The following PCDHGB5 variants were observed in gnomAD, a reference collection of about 807,000 sequenced individuals.
PCDHGB5 encodes protocadherin gamma-B5.
In PCDHGB5, 48 loss-of-function variants were observed where a neutral mutation model predicts 62.9. The ratio of observed to expected loss-of-function variants is 0.76; its 90% confidence interval spans 0.61 to 0.97. The LOEUF is 0.97. PCDHGB5 is among the 50% of genes least tolerant of loss of function. PCDHGB5 has a pLI of 0.00. For missense variants in PCDHGB5, 1,118 were observed against 1,198.6 expected (o/e 0.93, Z 0.99); for synonymous variants, 474 against 511.2 (o/e 0.93, Z 0.98).
intron 1 of PCDHGB5, chr5:141,433,104 A>G: frequency 6.2e-7 from 1 of 1,614,214 alleles, no homozygotes; most frequent in Non-Finnish European, 8.5e-7. Flanking sequence ...CTCGTCAGCC[A>G]GGAGAGCTTT....
chr5:141,431,424 G>T lies in PCDHGB5; in HGVS notation c.2397+30900G>T, dbSNP rs747132868. 6.8e-6 allele frequency: 11 copies of T among 1,613,676 alleles called. No homozygotes were observed. The highest frequency in any genetic ancestry group is 5.9e-6 in the Non-Finnish European group (7 of 1,180,028). On this transcript the variant is annotated intron_variant, in intron 1 of 3. Coordinates refer to ENST00000617380, the MANE Select transcript of PCDHGB5 (RefSeq NM_018925.3). The surrounding 1 kb of genome is among the most constrained non-coding windows in gnomAD (Gnocchi z 4.8). ...GCCTCCGACGGGGGCGACCCGGTGC[G>T]CACAGGCACCGCGCGCATCCGCGTG...
At chr5:141,445,782 G>A (rs530081823) in intron 1 of PCDHGB5, among the ~76,000 whole-genome samples, 1 of 152,310 alleles carries the variant, frequency 6.6e-6, no homozygotes, top group East Asian at 1.9e-4. Flanking sequence ...AAGGGCTAGG[G>A]AGGCTAGAAA....
chr5:141,411,193 AAAAC>A (rs1267742802), intron 1 of PCDHGB5: 2 of 152,212 alleles, frequency 1.3e-5, no homozygotes, highest in African/African-American at 4.8e-5. Flanking sequence ...GGCATCTAAG[AAAAC>A]AAACAAGTAA....
Position 141,419,025 on chromosome 5 carries a change from G to T in PCDHGB5, c.2397+18501G>T, listed in dbSNP as rs2096315076. 6.2e-6 allele frequency: 10 copies of T among 1,613,736 alleles called. No homozygotes were observed. In the East Asian group the frequency reaches 2.0e-4, roughly 32 times the overall value. On this transcript the variant is annotated intron_variant, in intron 1 of 3. Transcript: ENST00000617380. ...GAAGTCAGGTGTAGCTTAAGTAGAG[G>T]TGTTCCATTTAAGATTCATTCTTCT...
chr5:141,489,220 C>G lies in PCDHGB5; in HGVS notation c.2398-5587C>G. The G allele has an allele frequency of 6.6e-7, 1 of 1,508,698 alleles. No individual in the cohort carries two copies. Among genetic ancestry groups the G allele is most frequent in the South Asian group, 1.3e-5 (1 of 75,604 alleles). The allele number at this position is 1,508,698 out of a possible 1,614,324, so 93.5% of individuals were successfully genotyped here. A position where few individuals can be genotyped will look rare whatever the true frequency, so the allele number is the denominator to read the frequency against. ...AGACAGGACAGCACAGACTTACTCT[C>G]CACAAAGGGACTTCTGGGTCATGGG... On this transcript the variant is annotated intron_variant, in intron 1 of 3. Transcript: ENST00000617380. The surrounding 1 kb of genome is among the most constrained non-coding windows in gnomAD (Gnocchi z 4.5).
intron 1 of PCDHGB5, among the ~76,000 whole-genome samples, chr5:141,453,779 C>T (rs138335951): frequency 0.013 from 2,000 of 152,278 alleles, 24 homozygotes; most frequent in Non-Finnish European, 0.021. Flanking sequence ...ATTTTAGTTA[C>T]CATGGTATAT....
At chr5:141,478,011 G>T (rs1216659966) in intron 1 of PCDHGB5, 1 of 1,614,088 alleles carries the variant, frequency 6.2e-7, no homozygotes, top group Non-Finnish European at 8.5e-7. Flanking sequence ...AGTACTGCCC[G>T]TCCAGTCCAA....
intron 1 of PCDHGB5, chr5:141,414,139 G>T: frequency 6.3e-7 from 1 of 1,596,506 alleles, no homozygotes; most frequent in Non-Finnish European, 8.5e-7. Flanking sequence ...CTATGAAATA[G>T]AAATACAAGC....
At chr5:141,469,782 G>A (rs760985231) in intron 1 of PCDHGB5, among the ~76,000 whole-genome samples, 8 of 152,204 alleles carry the variant, frequency 5.3e-5, no homozygotes, top group African/African-American at 1.7e-4. Context: ...TTATTACAGC[G>A]TTATTTGTAA....
At chr5:141,475,815 C>T (rs2099373124) in intron 1 of PCDHGB5, 1 of 340,648 alleles carries the variant, frequency 2.9e-6, no homozygotes, top group Non-Finnish European at 5.3e-6. Flanking sequence ...AAGTGAAGTT[C>T]CTGGCGCTAG....
chr5:141,489,467 C>G lies in PCDHGB5; in HGVS notation c.2398-5340C>G. 1 of 1,614,076 alleles carries G rather than the reference C, an allele frequency of 6.2e-7. No individual in the cohort carries two copies. The highest frequency in any genetic ancestry group is 8.5e-7 in the Non-Finnish European group (1 of 1,180,026). Reference sequence around the variant, plus strand: ...TCTGAGGAGAATGGGCGCTATTTTTCCCTGAGCTTGATGAGTGGTGCCCTG... The same window carrying G: ...TCTGAGGAGAATGGGCGCTATTTTTGCCTGAGCTTGATGAGTGGTGCCCTG... On this transcript the variant is annotated intron_variant, in intron 1 of 3. Transcript: ENST00000617380. The surrounding 1 kb of genome is among the most constrained non-coding windows in gnomAD (Gnocchi z 4.5).
chr5:141,460,795 G>GTA (rs2154567069), intron 1 of PCDHGB5, among the ~76,000 whole-genome samples: 1 of 151,608 alleles, frequency 6.6e-6, no homozygotes, highest in East Asian at 1.9e-4. Flanking sequence ...TACACACAAA[G>GTA]TATATATATG....
chr5:141,398,752 C>G lies in PCDHGB5; in HGVS notation c.625C>G (p.Arg209Gly), dbSNP rs1196162576. The change falls in exon 1 of 4, where the codon CGT becomes GGT. Residue 209 changes from arginine to glycine, a missense_variant. Coordinates refer to ENST00000617380, the MANE Select transcript of PCDHGB5 (RefSeq NM_018925.3). ...AGACCGGGAACAACAGAGTTACCAT[C>G]GTTTAGTCCTGACTGCCTTGGACGG... is the stretch of plus-strand genomic sequence containing the variant. The part of the protein sequence containing the change: ...TLDREQQSYH[R>G]LVLTALDGGH... The G allele has an allele frequency of 7.4e-6, 12 of 1,613,482 alleles. No homozygotes were observed. In the South Asian group the frequency reaches 1.2e-4, roughly 16 times the overall value.
At chr5:141,449,538 G>A (rs1445815017) in intron 1 of PCDHGB5, among the ~76,000 whole-genome samples, 15 of 145,960 alleles carry the variant, frequency 1.0e-4, no homozygotes, top group East Asian at 4.0e-4. Flanking sequence ...GCAGTGAGCC[G>A]AGATCGCACC....
chr5:141,475,162 G>T (rs949339969), intron 1 of PCDHGB5, among the ~76,000 whole-genome samples: 2 of 152,034 alleles, frequency 1.3e-5, no homozygotes, highest in South Asian at 4.1e-4. Flanking sequence ...TTCTTCATTA[G>T]CAGTGCAACT....
chr5:141,399,646 AGT>A lies in PCDHGB5; in HGVS notation c.1521_1522del (p.Ser507ArgfsTer10). ...LASYVSMSAQ[S>X]GVVFAQRAFD... ...CTCTTACGTGTCCATGAGCGCGCAAAGTGGGGTGGTGTTCGCGCAGCGCGCCT... is the reference window on the plus strand; with the variant it reads ...CTCTTACGTGTCCATGAGCGCGCAAAGGGGTGGTGTTCGCGCAGCGCGCCT... On this transcript the variant is annotated frameshift_variant, in exon 1 of 4. Coordinates refer to ENST00000617380, the MANE Select transcript of PCDHGB5 (RefSeq NM_018925.3). LOFTEE classifies it high-confidence loss of function. 6.2e-7 allele frequency: 1 copy of A among 1,613,790 alleles called. No homozygotes were observed. The highest frequency in any genetic ancestry group is 1.3e-5 in the African/African-American group (1 of 75,072).
At chr5:141,419,686 G>A (rs551990092) in intron 1 of PCDHGB5, 2 of 1,612,760 alleles carry the variant, frequency 1.2e-6, no homozygotes, top group Non-Finnish European at 1.7e-6. Flanking sequence ...ACCACGTGGT[G>A]CAGGCCAGTG....
intron 1 of PCDHGB5, chr5:141,427,865 G>T: frequency 6.4e-7 from 1 of 1,558,148 alleles, no homozygotes; most frequent in Non-Finnish European, 8.8e-7. Context: ...GCGCCTTCGA[G>T]CTCACGATGC....
At chr5:141,416,859 G>C (rs1411419006) in intron 1 of PCDHGB5, 1 of 151,936 alleles carries the variant, frequency 6.6e-6, no homozygotes, top group African/African-American at 2.4e-5. Context: ...ATTTTTTTCA[G>C]GTCAGTCAAC....
Sources: allele counts gnomAD v4.1 joint callset (sites outside exome capture counted in the v4.1 genomes callset), GRCh38; gene constraint gnomAD v4.1.1; non-coding constraint Gnocchi (gnomAD v3.1); transcripts MANE v1.5; gene names NCBI Gene and HGNC (gene_info 2026-07-23, HGNC 2026-07-21).